Variants in MND1 observed in about 807,000 individuals in gnomAD.
MND1 encodes meiotic nuclear divisions 1.
Under a neutral mutation model 35.1 loss-of-function variants are expected in MND1, and 28 were observed. That is an observed-to-expected ratio of 0.80 (90% CI 0.59 to 1.09). MND1 has a LOEUF of 1.09. Among genes scored for constraint, MND1 ranks in the 50% least tolerant of loss-of-function variants. The probability of loss-of-function intolerance (pLI) is 0.00; values close to 1 mark genes in which losing one functional copy is unlikely to be tolerated. For synonymous variants in MND1, 69 were observed against 70.5 expected (o/e 0.98, Z 0.11); for missense variants, 213 against 239.6 (o/e 0.89, Z 0.73).
chr4:153,386,948 C>CA (rs1728885863), intron 4 of MND1, among the ~76,000 whole-genome samples: 1 of 152,072 alleles, frequency 6.6e-6, no homozygotes, highest in African/African-American at 2.4e-5. Context: ...AGGGATGGTG[C>CA]AGAGGAGGTG....
At chr4:153,389,422 G>A (rs947683452) in intron 4 of MND1, among the ~76,000 whole-genome samples, 3 of 152,130 alleles carry the variant, frequency 2.0e-5, no homozygotes, top group Non-Finnish European at 2.9e-5. Context: ...GTGCAGTAGT[G>A]CAATCTTGGC....
chr4:153,348,595 A>G (rs1166231753), intron 1 of MND1, among the ~76,000 whole-genome samples: 1 of 152,184 alleles, frequency 6.6e-6, no homozygotes, highest in Non-Finnish European at 1.5e-5. Context: ...ATTTACCCAT[A>G]TTACTCATCA....
chr4:153,388,959 A>C (rs915330461), intron 4 of MND1, among the ~76,000 whole-genome samples: 17 of 152,222 alleles, frequency 1.1e-4, no homozygotes, highest in Non-Finnish European at 2.4e-4. Flanking sequence ...TTTCTTTCCC[A>C]GTGTGGCTGA....
chr4:153,353,404 CA>C (rs1773262107), intron 2 of MND1, among the ~76,000 whole-genome samples: 1 of 81,972 alleles, frequency 1.2e-5, no homozygotes, highest in Non-Finnish European at 2.4e-5. Context: ...GACTTTATCA[CA>C]TATATATATA....
In MND1 at chr4:153,397,314, G is replaced by A. The variant is rs762072390; in HGVS notation, c.447G>A (p.Pro149=). The A allele has an allele frequency of 1.1e-5, 17 of 1,609,852 alleles. No individual in the cohort carries two copies. The highest frequency in any genetic ancestry group is 6.7e-5 in the East Asian group (3 of 44,770). The change falls in exon 6 of 8, where the codon CCG becomes CCA. Residue 149 remains proline, a synonymous_variant. Coordinates refer to ENST00000240488, the MANE Select transcript of MND1 (RefSeq NM_032117.4). ...AEVEKYKDCD[P]QVVEEIRQAN... The stretch of plus-strand genomic sequence containing the variant: ...TAGAAAAATACAAAGACTGTGATCC[G>A]CAAGTTGTGGAAGAAATACGTAAGT...
At chr4:153,360,262 C>T (rs1056637287) in intron 4 of MND1, among the ~76,000 whole-genome samples, 4 of 152,178 alleles carry the variant, frequency 2.6e-5, no homozygotes, top group African/African-American at 7.2e-5. Flanking sequence ...TCCTCTGAGT[C>T]TGTGACTTAT....
At chr4:153,381,977 A>C (rs2149646743) in intron 4 of MND1, 2 of 151,766 alleles carry the variant, frequency 1.3e-5, no homozygotes, top group East Asian at 3.9e-4. Context: ...TTAGCCTCCT[A>C]AGTGGCTGGG....
chr4:153,354,595 C>A (rs866130078), intron 2 of MND1, among the ~76,000 whole-genome samples: 2 of 152,114 alleles, frequency 1.3e-5, no homozygotes, highest in South Asian at 2.1e-4. Context: ...CTCAACCTCC[C>A]AGGCTCAAGC....
In MND1 at chr4:153,408,952, A is replaced by C; in HGVS notation, c.467-19A>C. On this transcript the variant is annotated intron_variant, in intron 6 of 7. Transcript: ENST00000240488. ...TATATATAAATACATTTCATTTTATATATATAATTTTTTTTCAGGCCAAGC... is the reference window on the plus strand; with the variant it reads ...TATATATAAATACATTTCATTTTATCTATATAATTTTTTTTCAGGCCAAGC... 3 of 1,053,360 alleles carry C rather than the reference A, an allele frequency of 2.8e-6. No homozygotes were observed. The highest frequency in any genetic ancestry group is 3.7e-6 in the Non-Finnish European group (3 of 806,418). The allele number at this position is 1,053,360 out of a possible 1,614,324, so 65.3% of individuals were successfully genotyped here. A position where few individuals can be genotyped will look rare whatever the true frequency, so the allele number is the denominator to read the frequency against.
intron 6 of MND1, among the ~76,000 whole-genome samples, chr4:153,408,353 T>C (rs983136644): frequency 6.6e-6 from 1 of 152,158 alleles, no homozygotes; most frequent in African/African-American, 2.4e-5. Context: ...TATCTTTCAA[T>C]TAAAAATGCC....
chr4:153,360,260 G>A (rs1226414782), intron 4 of MND1, among the ~76,000 whole-genome samples: 1 of 152,140 alleles, frequency 6.6e-6, no homozygotes. Flanking sequence ...TTTCCTCTGA[G>A]TCTGTGACTT....
chr4:153,412,025 A>C (rs1213126263), intron 7 of MND1, among the ~76,000 whole-genome samples: 4 of 152,300 alleles, frequency 2.6e-5, no homozygotes, highest in African/African-American at 9.6e-5. Flanking sequence ...TTATCCTAGA[A>C]TATCTTATGG....
At chr4:153,385,755 T>C (rs1728840029) in intron 4 of MND1, among the ~76,000 whole-genome samples, 2 of 151,046 alleles carry the variant, frequency 1.3e-5, no homozygotes, top group Admixed American at 1.3e-4. Context: ...TGGTAGAGCA[T>C]GCTTCAGACA....
intron 7 of MND1, among the ~76,000 whole-genome samples, chr4:153,410,180 C>A (rs1334404206): frequency 6.6e-6 from 1 of 152,104 alleles, no homozygotes; most frequent in African/African-American, 2.4e-5. Flanking sequence ...ATGTTGGACA[C>A]GTAGATAAAT....
At chr4:153,400,362 G>T (rs1729315457) in intron 6 of MND1, among the ~76,000 whole-genome samples, 1 of 152,060 alleles carries the variant, frequency 6.6e-6, no homozygotes. Flanking sequence ...CTTCCTTCCT[G>T]GCTTTGTGCA....
intron 4 of MND1, chr4:153,381,966 C>T (rs893900793): frequency 1.6e-4 from 25 of 151,628 alleles, no homozygotes; most frequent in African/African-American, 6.1e-4. Context: ...TTAAGCGCTC[C>T]TTAGCCTCCT....
intron 4 of MND1, among the ~76,000 whole-genome samples, chr4:153,391,590 G>C (rs917413461): frequency 8.6e-5 from 13 of 151,756 alleles, no homozygotes; most frequent in African/African-American, 2.9e-4. Context: ...CGTCGGATGT[G>C]GTGGTGGGTG....
chr4:153,369,349 A>G (rs1307944754), intron 4 of MND1, among the ~76,000 whole-genome samples: 2 of 152,318 alleles, frequency 1.3e-5, no homozygotes, highest in East Asian at 3.9e-4. Flanking sequence ...AAGTCATTAA[A>G]TTTAGTTTAC....
intron 4 of MND1, among the ~76,000 whole-genome samples, chr4:153,359,715 T>C (rs1773432482): frequency 6.6e-6 from 1 of 152,030 alleles, no homozygotes; most frequent in South Asian, 2.1e-4. Flanking sequence ...TTCTAATAGA[T>C]GTGTAGTGGT....
Sources: gnomAD v4.1 joint callset for allele counts (sites outside exome capture counted in the v4.1 genomes callset) on GRCh38, gnomAD v4.1.1 for gene constraint, MANE v1.5 for transcripts, NCBI Gene and HGNC (gene_info 2026-07-23, HGNC 2026-07-21) for gene names.